Variants in SAMD13 observed in about 807,000 individuals in gnomAD.
The protein encoded by SAMD13 is sterile alpha motif domain-containing protein 13.
In SAMD13, 9 loss-of-function variants were observed where a neutral mutation model predicts 12.4. The observed-to-expected ratio is 0.72, with a 90% confidence interval of 0.44 to 1.26. The LOEUF (loss-of-function observed/expected upper bound fraction) is 1.26, where lower values mean the gene tolerates loss of function less well. Ranked by LOEUF, SAMD13 falls within the 50% of genes most tolerant of loss-of-function variation. The pLI is 0.00. For synonymous variants in SAMD13, 46 were observed against 45.4 expected (o/e 1.01, Z -0.05); for missense variants, 84 against 119.6 (o/e 0.70, Z 1.39).
intron 2 of SAMD13, among the ~76,000 whole-genome samples, chr1:84,317,144 G>A (rs2101798262): frequency 6.6e-6 from 1 of 152,140 alleles, no homozygotes; most frequent in African/African-American, 2.4e-5. Flanking sequence ...CATATCATCT[G>A]TAAATGTAAG....
intron 2 of SAMD13, among the ~76,000 whole-genome samples, chr1:84,307,882 G>A (rs547365720): frequency 2.7e-4 from 41 of 152,086 alleles, no homozygotes; most frequent in African/African-American, 9.2e-4. Context: ...TCCCTGCATC[G>A]TCTCCAAGAC....
chr1:84,345,667 G>C (rs1679520047), intron 3 of SAMD13, among the ~76,000 whole-genome samples: 1 of 152,042 alleles, frequency 6.6e-6, no homozygotes, highest in South Asian at 2.1e-4. Flanking sequence ...CTGTCTTGAT[G>C]GCTACTCTTT....
chr1:84,308,799 AAAAG>A (rs1249767552), intron 2 of SAMD13, among the ~76,000 whole-genome samples: 2 of 152,280 alleles, frequency 1.3e-5, no homozygotes, highest in Admixed American at 1.3e-4. Flanking sequence ...TTAATTAAAA[AAAAG>A]CCAGTTTATT....
At chr1:84,303,575 C>A in intron 2 of SAMD13, 1 of 238,216 alleles carries the variant, frequency 4.2e-6, no homozygotes, top group Non-Finnish European at 8.5e-6. Flanking sequence ...TATATTGAAA[C>A]AAAAACTCCA....
intron 2 of SAMD13, among the ~76,000 whole-genome samples, chr1:84,317,835 A>G (rs2101798835): frequency 6.6e-6 from 1 of 152,188 alleles, no homozygotes; most frequent in South Asian, 2.1e-4. Context: ...CTTTTCTTGT[A>G]TGGAAGATTT....
At position 84,306,663 on chromosome 1, in the gene SAMD13, AG is replaced by A. The variant is rs386419540; in HGVS notation, c.53+3377del. Among the ~76,000 whole-genome samples, 113 of 100,692 alleles carry A rather than the reference AG, an allele frequency of 1.1e-3. 1 individual carries two copies. Among genetic ancestry groups the A allele is most frequent in the African/African-American group, 5.4e-3 (96 of 17,918 alleles). The allele number at this position is 100,692 out of a possible 152,430, so 66.1% of individuals were successfully genotyped here. A position where few individuals can be genotyped will look rare whatever the true frequency, so the allele number is the denominator to read the frequency against. ...AAATACCAAAAAAAAAAAAAAAAAA[AG>A]AGAGAGAGAGAGAGAAATTAGCCAG... On this transcript the variant is annotated intron_variant, in intron 2 of 3. Coordinates refer to ENST00000394834, the MANE Select transcript of SAMD13 (RefSeq NM_001134663.2).
At position 84,339,772 on chromosome 1, in the gene SAMD13, A is replaced by G. The variant is rs183410295; in HGVS notation, c.166-9859A>G. ...GGCAGGCCAGTAAGGGAGAAGCAGC[A>G]ACTGGAGAGTCATGTAGGCAAGAGA... On this transcript the variant is annotated intron_variant, in intron 3 of 3. Transcript: ENST00000394834. Among the ~76,000 whole-genome samples the G allele has an allele frequency of 2.6e-5, 4 of 152,340 alleles. No homozygotes were observed. In the East Asian group the frequency reaches 7.7e-4, roughly 29 times the overall value.
At chr1:84,328,043 G>A (rs1413475941) in intron 3 of SAMD13, among the ~76,000 whole-genome samples, 3 of 152,160 alleles carry the variant, frequency 2.0e-5, no homozygotes, top group Admixed American at 2.0e-4. Context: ...AAAATACTTA[G>A]CTAAAAGGTC....
chr1:84,317,459 G>A (rs916330313), intron 2 of SAMD13, among the ~76,000 whole-genome samples: 12 of 151,608 alleles, frequency 7.9e-5, no homozygotes, highest in African/African-American at 1.7e-4. Flanking sequence ...TATCTTAGAC[G>A]ATCGTGTGAT....
At chr1:84,340,870 AG>A (rs1558462703) in intron 3 of SAMD13, among the ~76,000 whole-genome samples, 1 of 152,236 alleles carries the variant, frequency 6.6e-6, no homozygotes, top group African/African-American at 2.4e-5. Context: ...GAAGGAGAGT[AG>A]TATTTGAATC....
upstream of SAMD13, among the ~76,000 whole-genome samples, chr1:84,298,882 C>T (rs1372965547): frequency 6.6e-6 from 1 of 152,114 alleles, no homozygotes; most frequent in Non-Finnish European, 1.5e-5. Context: ...ACACCTCCAC[C>T]CTCCACTTTC....
At chr1:84,307,084 A>G (rs1015872570) in intron 2 of SAMD13, among the ~76,000 whole-genome samples, 1 of 152,054 alleles carries the variant, frequency 6.6e-6, no homozygotes, top group African/African-American at 2.4e-5. Context: ...GCCTGGGCCT[A>G]GTTTTCATCA....
chr1:84,333,069 G>A (rs533324945), intron 3 of SAMD13, among the ~76,000 whole-genome samples: 43 of 151,862 alleles, frequency 2.8e-4, no homozygotes, highest in Admixed American at 1.1e-3. Flanking sequence ...GTACTCTCTA[G>A]TCTGTTACAT....
chr1:84,307,505 A>T (rs534067978), intron 2 of SAMD13, among the ~76,000 whole-genome samples: 48 of 152,132 alleles, frequency 3.2e-4, no homozygotes, highest in Middle Eastern at 6.8e-3. Flanking sequence ...TATTATTTGT[A>T]TTGTTTCTCA....
intron 2 of SAMD13, among the ~76,000 whole-genome samples, chr1:84,325,360 C>A (rs1306062009): frequency 6.6e-6 from 1 of 152,056 alleles, no homozygotes; most frequent in Non-Finnish European, 1.5e-5. Context: ...GAGGTCATAT[C>A]GTAAAAGGCC....
intron 2 of SAMD13, among the ~76,000 whole-genome samples, chr1:84,306,864 TAAG>T (rs1315393493): frequency 6.9e-6 from 1 of 145,138 alleles, no homozygotes; most frequent in Non-Finnish European, 1.5e-5. Context: ...TAAAATAAAA[TAAG>T]AAAAAGTAAA....
intron 3 of SAMD13, among the ~76,000 whole-genome samples, chr1:84,337,532 C>A (rs897352389): frequency 1.3e-5 from 2 of 152,160 alleles, no homozygotes; most frequent in African/African-American, 4.8e-5. Flanking sequence ...CACAGGGCAC[C>A]AGTCCCTATG....
At position 84,303,278 on chromosome 1, in the gene SAMD13, G is replaced by T; in HGVS notation, c.44G>T (p.Gly15Val). The T allele has an allele frequency of 6.2e-7, 1 of 1,612,338 alleles. No homozygotes were observed. The highest frequency in any genetic ancestry group is 8.5e-7 in the Non-Finnish European group (1 of 1,178,636). ...DMENKENGSV[G>V]VKNSMENGRP... ...GAAAACAAGGAAAATGGCTCTGTCG[G>T]TGTAAAAAAGTAAGTGAAGCTGGCT... The change falls in exon 2 of 4, where the codon GGT becomes GTT. Residue 15 changes from glycine to valine, a missense_variant. By Grantham distance (109) the Gly-to-Val change is moderately radical. Transcript: ENST00000394834.
chr1:84,309,968 G>GC (rs1485615357), intron 2 of SAMD13, among the ~76,000 whole-genome samples: 5 of 152,140 alleles, frequency 3.3e-5, no homozygotes, highest in African/African-American at 2.4e-5. Context: ...GGGCAGCTTT[G>GC]CAGAAGGGTT....
Sources: gnomAD v4.1 joint callset for allele counts (sites outside exome capture counted in the v4.1 genomes callset) on GRCh38, gnomAD v4.1.1 for gene constraint, MANE v1.5 for transcripts, NCBI Gene and HGNC (gene_info 2026-07-23, HGNC 2026-07-21) for gene names.